Variants in SIK2 observed in about 807,000 individuals in gnomAD.
SIK2 encodes salt inducible kinase 2, also known as serine/threonine-protein kinase SIK2.
SIK2 carries 29 observed loss-of-function variants against 103.2 expected under a neutral mutation model. The ratio of observed to expected loss-of-function variants is 0.28; its 90% CI spans 0.21 to 0.38. The LOEUF (loss-of-function observed/expected upper bound fraction) is 0.38, where lower values mean the gene tolerates loss of function less well. SIK2 is among the 10% of genes least tolerant of loss of function. SIK2 has a pLI of 1.00. For synonymous variants in SIK2, 412 were observed against 446.1 expected (o/e 0.92, Z 0.96); for missense variants, 879 against 1,171.0 (o/e 0.75, Z 3.64).
chr11:111,672,353 AG>A, intron 3 of SIK2: 2 of 524,914 alleles, frequency 3.8e-6, no homozygotes, highest in Non-Finnish European at 6.1e-6. Flanking sequence ...CTGAAGGCCA[AG>A]GGGCCAGAGG....
At position 111,703,292 on chromosome 11, in the gene SIK2, A is replaced by T; in HGVS notation, c.817A>T (p.Ile273Leu). Residue 273 changes from isoleucine (I) to leucine (L), a missense_variant, in exon 7 of 15, where the codon ATA (isoleucine) becomes TTA (leucine). Ile to Leu is a conservative substitution (Grantham distance 5). Transcript: ENST00000304987. ...AQIKEHKWMLIEVPVQRPVLY... is the reference protein window; with the variant it reads ...AQIKEHKWMLLEVPVQRPVLY... ...AATCAAGGAGCATAAATGGATGCTC[A>T]TAGAAGTTCCTGTCCAGAGACCTGT... 1.2e-6 allele frequency: 2 copies of T among 1,614,200 alleles called. No homozygotes were observed. The highest frequency in any genetic ancestry group is 1.7e-6 in the Non-Finnish European group (2 of 1,180,022).
intron 3 of SIK2, among the ~76,000 whole-genome samples, chr11:111,668,361 A>G (rs888502262): frequency 5.3e-5 from 8 of 152,176 alleles, no homozygotes; most frequent in Admixed American, 5.2e-4. Flanking sequence ...CTTTTGATAG[A>G]TATTTGTTTT....
At chr11:111,718,111 C>T (rs1477041585) in intron 9 of SIK2, among the ~76,000 whole-genome samples, 2 of 152,112 alleles carry the variant, frequency 1.3e-5, no homozygotes, top group Admixed American at 6.5e-5. Flanking sequence ...TATGGCTTAT[C>T]CTATAAGAAA....
At position 111,724,253 on chromosome 11, in the gene SIK2, C is replaced by G; in HGVS notation, c.*124C>G. On this transcript the variant is annotated 3_prime_UTR_variant, in exon 15 of 15. Transcript: ENST00000304987. ...CCCTAACGGGGAGAAATCGAGCCAC[C>G]CAACTGGAATCAGAGGGTCTGGCTG... 1 of 1,352,020 alleles carries G rather than the reference C, an allele frequency of 7.4e-7. No homozygotes were observed. Among genetic ancestry groups the G allele is most frequent in the Non-Finnish European group, 9.8e-7 (1 of 1,017,430 alleles). 83.8% of individuals were successfully genotyped at this position (1,352,020 alleles called of 1,614,324 possible).
chr11:111,703,531 GTACTGTTCAGTGTTC>G, intron 7 of SIK2, 108 bp downstream of exon 7: 1 of 880,990 alleles, frequency 1.1e-6, no homozygotes, highest in Non-Finnish European at 1.8e-6. Flanking sequence ...GCGCCTAGGC[GTACTGTTCAGTGTTC>G]CCTATAGATG....
At chr11:111,672,745 T>C (rs1014562886) in intron 3 of SIK2, among the ~76,000 whole-genome samples, 2 of 152,142 alleles carry the variant, frequency 1.3e-5, no homozygotes, top group Non-Finnish European at 2.9e-5. Context: ...ACAAGGACTT[T>C]TAATGTCTTT....
intron 3 of SIK2, among the ~76,000 whole-genome samples, chr11:111,641,072 C>T (rs1942176760): frequency 6.6e-6 from 1 of 152,164 alleles, no homozygotes; most frequent in Non-Finnish European, 1.5e-5. Flanking sequence ...CCCTCTTTAA[C>T]TTCACTGCAG....
intron 1 of SIK2, among the ~76,000 whole-genome samples, chr11:111,605,518 A>G (rs1941638411): frequency 6.6e-6 from 1 of 152,226 alleles, no homozygotes; most frequent in South Asian, 2.1e-4. Context: ...AAATATCACA[A>G]TTATACTTAT....
At chr11:111,698,544 C>T (rs1393115850) in intron 4 of SIK2, among the ~76,000 whole-genome samples, 2 of 152,168 alleles carry the variant, frequency 1.3e-5, no homozygotes, top group African/African-American at 2.4e-5. Context: ...GAGTTGGAGA[C>T]CAGCCTGGGA....
chr11:111,699,349 CT>C (rs1202711590), intron 4 of SIK2, among the ~76,000 whole-genome samples: 1 of 152,028 alleles, frequency 6.6e-6, no homozygotes, highest in African/African-American at 2.4e-5. Context: ...TTTTTGGGAC[CT>C]TTTTCTCTGA....
At chr11:111,612,402 A>ATTG (rs2135832270) in intron 1 of SIK2, among the ~76,000 whole-genome samples, 1 of 152,364 alleles carries the variant, frequency 6.6e-6, no homozygotes, top group East Asian at 1.9e-4. Flanking sequence ...AGAGAGCTCC[A>ATTG]TTGTTAAGAA....
At chr11:111,620,494 G>T in intron 3 of SIK2, 92 bp downstream of exon 3, 3 of 797,762 alleles carry the variant, frequency 3.8e-6, no homozygotes, top group Non-Finnish European at 6.1e-6. Context: ...GCTTATTTAA[G>T]TGTTGGTAAT....
intron 3 of SIK2, among the ~76,000 whole-genome samples, chr11:111,655,852 C>T (rs1267646348): frequency 6.6e-6 from 1 of 151,948 alleles, no homozygotes; most frequent in Non-Finnish European, 1.5e-5. Flanking sequence ...AATGCATACC[C>T]CACAGCATAT....
chr11:111,611,334 C>G (rs1404963881), intron 1 of SIK2, among the ~76,000 whole-genome samples: 3 of 151,840 alleles, frequency 2.0e-5, no homozygotes, highest in Non-Finnish European at 4.4e-5. Context: ...CCTTAAGCTA[C>G]ATGGAATGGA....
At chr11:111,651,218 T>C (rs915309427) in intron 3 of SIK2, among the ~76,000 whole-genome samples, 13 of 152,196 alleles carry the variant, frequency 8.5e-5, no homozygotes, top group African/African-American at 3.1e-4. Flanking sequence ...TGAGTTTGAA[T>C]TGGAAACTTG....
intron 3 of SIK2, among the ~76,000 whole-genome samples, chr11:111,634,325 T>C (rs985888900): frequency 6.6e-6 from 1 of 152,246 alleles, no homozygotes; most frequent in African/African-American, 2.4e-5. Flanking sequence ...TTGTGGTCTT[T>C]GGTTAATATC....
At chr11:111,650,050 C>G (rs1292041663) in intron 3 of SIK2, among the ~76,000 whole-genome samples, 1 of 151,980 alleles carries the variant, frequency 6.6e-6, no homozygotes, top group East Asian at 1.9e-4. Flanking sequence ...TTCATTTGTC[C>G]TGAAAGCTTT....
At position 111,701,638 on chromosome 11, in the gene SIK2, A is replaced by G. The variant is rs1220509018; in HGVS notation, c.727+63A>G. The G allele has an allele frequency of 1.3e-6, 2 of 1,553,682 alleles. No homozygotes were observed. Among genetic ancestry groups the G allele is most frequent in the African/African-American group, 2.8e-5 (2 of 72,578 alleles). ...TGTTAGTGCTCCAAGTGAAATGCCT[A>G]GGTAAAAGCTTCTTTTTTTCTAAGA... On this transcript the variant is annotated intron_variant, in intron 6 of 14. Coordinates refer to ENST00000304987, the MANE Select transcript of SIK2 (RefSeq NM_015191.3). This position sits in a 1 kb window ranked among gnomAD's most constrained non-coding sequence, Gnocchi z 4.2.
intron 1 of SIK2, among the ~76,000 whole-genome samples, chr11:111,610,786 A>G (rs1446166520): frequency 2.0e-5 from 3 of 152,218 alleles, no homozygotes; most frequent in Admixed American, 6.5e-5. Flanking sequence ...GTATATGATA[A>G]ATAACTGTCA....
Sources: gnomAD v4.1 joint callset for allele counts (sites outside exome capture counted in the v4.1 genomes callset) on GRCh38, gnomAD v4.1.1 for gene constraint, Gnocchi (gnomAD v3.1) non-coding constraint, MANE v1.5 for transcripts, NCBI Gene and HGNC (gene_info 2026-07-23, HGNC 2026-07-21) for gene names.